The following NAALADL2 variants were observed in gnomAD, a reference collection of about 807,000 sequenced individuals.
NAALADL2 encodes the protein inactive N-acetylated-alpha-linked acidic dipeptidase-like protein 2.
NAALADL2 carries 76 observed loss-of-function variants against 87.2 expected under a neutral mutation model. The observed-to-expected ratio is 0.87, with a 90% CI of 0.72 to 1.05. The LOEUF is 1.05. Ranked by LOEUF, NAALADL2 falls within the 50% of genes least tolerant of loss-of-function variation. NAALADL2 has a pLI of 0.00. For missense variants in NAALADL2, 1,089 were observed against 945.8 expected (o/e 1.15, Z -1.99); for synonymous variants, 354 against 331.0 (o/e 1.07, Z -0.75).
intron 3 of NAALADL2, among the ~76,000 whole-genome samples, chr3:174,767,708 T>C (rs1714011360): frequency 6.6e-6 from 1 of 152,230 alleles, no homozygotes. Flanking sequence ...TTGGAGCTTT[T>C]ATTTTCTGGT....
intron 11 of NAALADL2, among the ~76,000 whole-genome samples, chr3:175,713,544 C>T (rs1017791775): frequency 2.0e-5 from 3 of 151,984 alleles, no homozygotes; most frequent in African/African-American, 7.2e-5. Context: ...TTCTGATATA[C>T]AGTGTTTTGA....
At chr3:175,742,563 A>T (rs928738978) in intron 12 of NAALADL2, among the ~76,000 whole-genome samples, 1 of 151,706 alleles carries the variant, frequency 6.6e-6, no homozygotes, top group Non-Finnish European at 1.5e-5. Context: ...ACACCCGGCT[A>T]ATTTTTTGTA....
At chr3:174,472,696 T>C (rs1236073306) in intron 1 of NAALADL2, among the ~76,000 whole-genome samples, 2 of 152,294 alleles carry the variant, frequency 1.3e-5, no homozygotes, top group Admixed American at 6.5e-5. Context: ...TTTTTCATCA[T>C]CTGGAATTTT....
intron 11 of NAALADL2, among the ~76,000 whole-genome samples, chr3:175,682,278 CAT>C (rs1735696364): frequency 6.6e-6 from 1 of 151,822 alleles, no homozygotes; most frequent in Non-Finnish European, 1.5e-5. Context: ...AATTTTATAA[CAT>C]ATGTGTTTAT....
chr3:175,518,284 T>G (rs550201084), intron 9 of NAALADL2, among the ~76,000 whole-genome samples: 2 of 152,278 alleles, frequency 1.3e-5, no homozygotes, highest in South Asian at 4.1e-4. Context: ...GGAACTGCAT[T>G]CATGAGCTTC....
At chr3:175,570,695 A>G (rs987080036) in intron 9 of NAALADL2, among the ~76,000 whole-genome samples, 1 of 152,210 alleles carries the variant, frequency 6.6e-6, no homozygotes, top group South Asian at 2.1e-4. Context: ...CCTGGCTAAC[A>G]TGGTGAAACC....
At chr3:174,875,482 GA>G (rs1728393854) in intron 1 of NAALADL2, among the ~76,000 whole-genome samples, 1 of 152,058 alleles carries the variant, frequency 6.6e-6, no homozygotes, top group Non-Finnish European at 1.5e-5. Context: ...CCTTTTTTAA[GA>G]GACAGAGTTC....
intron 1 of NAALADL2, among the ~76,000 whole-genome samples, chr3:175,010,003 AG>A (rs1419292029): frequency 1.3e-5 from 2 of 152,136 alleles, no homozygotes; most frequent in African/African-American, 4.8e-5. Flanking sequence ...TAATCACACA[AG>A]GATGAGCATG....
Position 174,542,755 on chromosome 3 carries a change from T to C in NAALADL2, c.-183-7814T>C, listed in dbSNP as rs529834009. Among the ~76,000 whole-genome samples, 6 of 152,346 alleles carry C rather than the reference T, an allele frequency of 3.9e-5. No homozygotes were observed. The East Asian group carries it at 7.7e-4, about 20-fold the overall frequency. ...TCATGGCACTGATGGGAATGTCTTA[T>C]GCTGATGAACAGCAAGGGCAACTAC... On this transcript the variant is annotated intron_variant, in intron 1 of 3. Transcript: ENST00000434257.
chr3:175,534,949 G>A (rs1227328808), intron 9 of NAALADL2, among the ~76,000 whole-genome samples: 1 of 150,958 alleles, frequency 6.6e-6, no homozygotes, highest in Non-Finnish European at 1.5e-5. Flanking sequence ...TCCATACAAC[G>A]AGACCTACTT....
intron 2 of NAALADL2, among the ~76,000 whole-genome samples, chr3:174,637,124 T>C (rs998542434): frequency 6.6e-6 from 1 of 152,102 alleles, no homozygotes; most frequent in African/African-American, 2.4e-5. Flanking sequence ...AAAATGTTGA[T>C]GTCATGGAGA....
At chr3:175,094,868 A>G (rs6791132) in intron 1 of NAALADL2, among the ~76,000 whole-genome samples, 3 of 150,946 alleles carry the variant, frequency 2.0e-5, no homozygotes, top group African/African-American at 7.3e-5. Context: ...CAATCCTTGA[A>G]AGTTCTATCT....
At chr3:174,681,569 TTTCTGGACAC>T (rs1218623214) in intron 2 of NAALADL2, among the ~76,000 whole-genome samples, 1 of 152,090 alleles carries the variant, frequency 6.6e-6, no homozygotes, top group Non-Finnish European at 1.5e-5. Context: ...ATCCTGGACA[TTTCTGGACAC>T]ACACTGGGCC....
chr3:175,107,723 A>G (rs542453091), intron 2 of NAALADL2, among the ~76,000 whole-genome samples: 6 of 151,892 alleles, frequency 4.0e-5, no homozygotes, highest in South Asian at 2.1e-4. Flanking sequence ...GAAATTACCA[A>G]TGTTCATTAT....
At chr3:174,499,089 T>C (rs925831552) in intron 1 of NAALADL2, among the ~76,000 whole-genome samples, 1 of 152,114 alleles carries the variant, frequency 6.6e-6, no homozygotes, top group Non-Finnish European at 1.5e-5. Context: ...AATTAAACTT[T>C]ATTATAGGCA....
intron 5 of NAALADL2, among the ~76,000 whole-genome samples, chr3:175,407,869 T>C (rs1402537544): frequency 6.6e-6 from 1 of 152,320 alleles, no homozygotes; most frequent in East Asian, 1.9e-4. Context: ...TTGTCTAACC[T>C]AGTTTTTAGT....
intron 1 of NAALADL2, among the ~76,000 whole-genome samples, chr3:174,502,251 A>T (rs1053242722): frequency 1.3e-5 from 2 of 152,204 alleles, no homozygotes; most frequent in Non-Finnish European, 2.9e-5. Context: ...ACATTTTCTT[A>T]ATTTCAGGTT....
At chr3:175,736,577 A>T (rs1744531617) in intron 11 of NAALADL2, among the ~76,000 whole-genome samples, 1 of 152,170 alleles carries the variant, frequency 6.6e-6, no homozygotes, top group African/African-American at 2.4e-5. Flanking sequence ...TGGAGGGTAT[A>T]ACACAGAGGT....
In NAALADL2 at chr3:175,148,085, G is replaced by GATAATAATAATA. The variant is rs777909114; in HGVS notation, c.545+50799_545+50800insAATAATAATAAT. Reference sequence around the variant, plus strand: ...AACTCTGTCTCAAAATAATAATAATGATAATGATAATAATAATAATAATAA... The same window carrying GATAATAATAATA: ...AACTCTGTCTCAAAATAATAATAATGATAATAATAATAATAATGATAATAATAATAATAATAA... On this transcript the variant is annotated intron_variant, in intron 2 of 13. Coordinates refer to ENST00000454872, the MANE Select transcript of NAALADL2 (RefSeq NM_207015.3). Among the ~76,000 whole-genome samples the GATAATAATAATA allele has an allele frequency of 8.2e-3, 908 of 110,306 alleles. 9 individuals are homozygous for GATAATAATAATA. Among genetic ancestry groups the GATAATAATAATA allele is most frequent in the Middle Eastern group, 0.039 (9 of 228 alleles). The allele number at this position is 110,306 out of a possible 152,430, so 72.4% of individuals were successfully genotyped here. A position where few individuals can be genotyped will look rare whatever the true frequency, so the allele number is the denominator to read the frequency against.
Sources: gnomAD v4.1 joint callset for allele counts (sites outside exome capture counted in the v4.1 genomes callset) on GRCh38, gnomAD v4.1.1 for gene constraint, MANE v1.5 for transcripts, NCBI Gene and HGNC (gene_info 2026-07-23, HGNC 2026-07-21) for gene names.